The following TTN variants were observed in gnomAD, a reference collection of about 807,000 sequenced individuals.
TTN encodes titin, also known as connectin.
TTN carries 1,525 observed loss-of-function variants against 3,223.0 expected under a neutral mutation model. That is an observed-to-expected ratio of 0.47 (90% CI 0.45 to 0.49). The LOEUF (loss-of-function observed/expected upper bound fraction) is 0.49, where lower values mean the gene tolerates loss of function less well. Ranked by LOEUF, TTN falls within the 20% of genes least tolerant of loss-of-function variation. The pLI is 0.00. For synonymous variants in TTN, 14,094 were observed against 15,161.0 expected (o/e 0.93, Z 5.17); for missense variants, 40,786 against 43,424.0 (o/e 0.94, Z 5.40).
In TTN at chr2:178,784,292, A is replaced by G; in HGVS notation, c.2553T>C (p.Ser851=). The G allele has an allele frequency of 6.2e-7, 1 of 1,614,162 alleles. No individual in the cohort carries two copies. The change falls in exon 16 of 363, where the codon TCT becomes TCC. Residue 851 remains serine (S), a synonymous_variant. Transcript: ENST00000589042. ...TCACCGATTTGGTGATCTTCTGAGC[A>G]GAAGATGTGGCTGACAACTCTTTTT... is the stretch of plus-strand genomic sequence containing the variant. ...TLQKELSATS[S]AQKITKSVKA...
chr2:178,736,487 G>A (rs1342260633), intron 49 of TTN, among the ~76,000 whole-genome samples: 1 of 152,148 alleles, frequency 6.6e-6, no homozygotes, highest in East Asian at 1.9e-4. Flanking sequence ...TAAGAAGATT[G>A]AAGTAGTTTT....
intron 6 of TTN, among the ~76,000 whole-genome samples, chr2:178,796,593 C>T (rs764018939): frequency 6.6e-6 from 1 of 152,128 alleles, no homozygotes; most frequent in Non-Finnish European, 1.5e-5. Context: ...ACATGACTGC[C>T]TTTGAAATAT....
intron 273 of TTN, 146 bp from the exon 274 acceptor site, chr2:178,609,054 C>G (rs1225717307): frequency 2.5e-5 from 32 of 1,278,494 alleles, no homozygotes; most frequent in Non-Finnish European, 3.4e-5. Context: ...ATAACAAGAT[C>G]AGGTGATTTC....
At position 178,577,362 on chromosome 2, in the gene TTN, TGATG is replaced by T; in HGVS notation, c.68969_68972del (p.Pro22990GlnfsTer6). On this transcript the variant is annotated frameshift_variant, in exon 324 of 363. Transcript: ENST00000589042. LOFTEE classifies it high-confidence loss of function. ...GGGTTGAAGTTATCTGAGTGATATC[TGATG>T]GTCTAATGTCTTTTCCTGCCTTGGA... 6.2e-7 allele frequency: 1 copy of T among 1,613,032 alleles called. No homozygotes were observed. The highest frequency in any genetic ancestry group is 2.2e-5 in the East Asian group (1 of 44,748).
intron 6 of TTN, among the ~76,000 whole-genome samples, chr2:178,796,079 G>A (rs1463719530): frequency 1.3e-5 from 2 of 152,126 alleles, no homozygotes. Flanking sequence ...TGCTTTTTAG[G>A]TGTATCCAAA....
chr2:178,584,549 C>G lies in TTN; in HGVS notation c.65002G>C (p.Val21668Leu). ...GVPSEPKNARVTKVNKDCIFV... is the reference protein window; with the variant it reads ...GVPSEPKNARLTKVNKDCIFV... ...ATACAGTCCTTGTTGACTTTGGTGA[C>G]TCGTGCATTCTTTGGTTCACTAGGA... Residue 21668 changes from valine (V) to leucine (L), a missense_variant, in exon 311 of 363, where the codon GTC (valine) becomes CTC (leucine). Val to Leu is a conservative substitution (Grantham distance 32). Transcript: ENST00000589042. The G allele has an allele frequency of 6.2e-7, 1 of 1,612,482 alleles. No individual in the cohort carries two copies. The highest frequency in any genetic ancestry group is 2.2e-5 in the East Asian group (1 of 44,664).
chr2:178,642,164 A>C, intron 219 of TTN, 73 bp downstream of exon 219: 1 of 1,309,778 alleles, frequency 7.6e-7, no homozygotes, highest in Non-Finnish European at 1.0e-6. Flanking sequence ...AAAGGACAGA[A>C]ACATTTTGTA....
In TTN at chr2:178,568,669, A is replaced by G; in HGVS notation, c.77463T>C (p.Ile25821=). The G allele has an allele frequency of 6.2e-7, 1 of 1,613,386 alleles. No homozygotes were observed. The highest frequency in any genetic ancestry group is 8.5e-7 in the Non-Finnish European group (1 of 1,179,582). Residue 25821 remains isoleucine, a synonymous_variant, in exon 326 of 363, where the codon ATT becomes ATC. Transcript: ENST00000589042. The part of the protein sequence containing the change: ...VGQDLKIEVP[I]SGRPKPTITW... Reference sequence around the variant, plus strand: ...TAATGGTTGGCTTAGGACGTCCAGAAATTGGCACTTCTATTTTCAAATCTT... The same window carrying G: ...TAATGGTTGGCTTAGGACGTCCAGAGATTGGCACTTCTATTTTCAAATCTT...
chr2:178,616,138 G>C (rs142352268), intron 257 of TTN, among the ~76,000 whole-genome samples: 2 of 151,840 alleles, frequency 1.3e-5, no homozygotes, highest in African/African-American at 4.8e-5. Context: ...TATTCTAGTG[G>C]AATAAGAAGT....
chr2:178,731,760 G>A lies in TTN; in HGVS notation c.17115C>T (p.Gly5705=), dbSNP rs370036981. ...CATTGGTCACCCGACACTGGTATTC[G>A]CCAGCATCTGCAGCTACAAACTTGA... The part of the protein sequence containing the change: ...QILKFVAADA[G]EYQCRVTNEV... Residue 5705 remains glycine, a synonymous_variant, in exon 58 of 363, where the codon GGC becomes GGT. Coordinates refer to ENST00000589042, the MANE Select transcript of TTN (RefSeq NM_001267550.2). The A allele has an allele frequency of 1.2e-4, 193 of 1,613,678 alleles. No homozygotes were observed. In the African/African-American group the frequency reaches 2.2e-3, roughly 18 times the overall value.
At chr2:178,581,318 G>A (rs2047690540) in intron 316 of TTN, among the ~76,000 whole-genome samples, 181 bp downstream of exon 316, 2 of 151,944 alleles carry the variant, frequency 1.3e-5, no homozygotes, top group African/African-American at 4.8e-5. Context: ...CAAATCATGT[G>A]CATTTGATTT....
At position 178,542,641 on chromosome 2, in the gene TTN, A is replaced by G. The variant is rs374459298; in HGVS notation, c.97192+21T>C. 37 of 1,603,690 alleles carry G rather than the reference A, an allele frequency of 2.3e-5. No individual in the cohort carries two copies. In the East Asian group the frequency reaches 6.9e-4, roughly 30 times the overall value. On this transcript the variant is annotated intron_variant, in intron 348 of 362. Transcript: ENST00000589042. ...GGTGACTGAACATCAACTTGCTTGT[A>G]TCTTTGTCACACATCCTTACCAAGA...
chr2:178,546,808 G>C lies in TTN; in HGVS notation c.94620C>G (p.Gly31540=), dbSNP rs746325775. ...PAYDGGSKVV[G]YIIERKPVSE... ...TGACTGGCTTACGCTCTATGATGTA[G>C]CCCACAACCTTGCTGCCTCCATCAT... The change falls in exon 341 of 363, where the codon GGC becomes GGG. Residue 31540 remains glycine, a synonymous_variant. Coordinates refer to ENST00000589042, the MANE Select transcript of TTN (RefSeq NM_001267550.2). 1.9e-6 allele frequency: 3 copies of C among 1,612,804 alleles called. No individual in the cohort carries two copies. Among genetic ancestry groups the C allele is most frequent in the Non-Finnish European group, 2.5e-6 (3 of 1,179,016 alleles).
Position 178,729,826 on chromosome 2 carries a change from C to T in TTN, c.18427G>A (p.Gly6143Arg), listed in dbSNP as rs757453585. 7.4e-6 allele frequency: 12 copies of T among 1,613,520 alleles called. No homozygotes were observed. Among genetic ancestry groups the T allele is most frequent in the South Asian group, 4.4e-5 (4 of 91,080 alleles). Residue 6143 changes from glycine (G) to arginine (R), a missense_variant, in exon 63 of 363, where the codon GGG (glycine) becomes AGG (arginine). Transcript: ENST00000589042. ...PKIRVSWYLD[G>R]NEITAIQKHG... ...TTCTGAATGGCTGTTATTTCATTCC[C>T]GTCTAGATACCAAGACACTCGGATT...
rs1307496843 is a variant in TTN at position 178,568,087 on chromosome 2, G to C, written c.78045C>G (p.Val26015=). Residue 26015 remains valine, a synonymous_variant, in exon 326 of 363, where the codon GTC becomes GTG. Coordinates refer to ENST00000589042, the MANE Select transcript of TTN (RefSeq NM_001267550.2). ...DSMVIQWHEP[V]NNGGSPVIGY... ...CTATGACGGGGCTTCCACCATTGTTGACTGGTTCATGCCACTGTATGACCA... is the reference window on the plus strand; with the variant it reads ...CTATGACGGGGCTTCCACCATTGTTCACTGGTTCATGCCACTGTATGACCA... 6.2e-7 allele frequency: 1 copy of C among 1,613,358 alleles called. No homozygotes were observed. Among genetic ancestry groups the C allele is most frequent in the Admixed American group, 1.7e-5 (1 of 59,962 alleles).
chr2:178,795,673 G>T (rs2093730949), intron 6 of TTN, among the ~76,000 whole-genome samples: 1 of 152,048 alleles, frequency 6.6e-6, no homozygotes, highest in African/African-American at 2.4e-5. Flanking sequence ...AAGAAGAAAG[G>T]TTTCTGTAAT....
chr2:178,666,231 A>G (rs1235441779), intron 163 of TTN, among the ~76,000 whole-genome samples: 3 of 152,272 alleles, frequency 2.0e-5, no homozygotes, highest in African/African-American at 7.2e-5. Context: ...AAAAATATCA[A>G]AATATTCAGA....
In TTN at chr2:178,750,594, G is replaced by T. The variant is rs147087155; in HGVS notation, c.11311+2530C>A. On this transcript the variant is annotated intron_variant, in intron 47 of 362. Coordinates refer to ENST00000589042, the MANE Select transcript of TTN (RefSeq NM_001267550.2). ...GGTGGGCAACGTTGTGGGCGTTTTCGAAAAGAATTTTCAAAAAATCTCATG... is the reference window on the plus strand; with the variant it reads ...GGTGGGCAACGTTGTGGGCGTTTTCTAAAAGAATTTTCAAAAAATCTCATG... 288 of 1,612,286 alleles carry T rather than the reference G, an allele frequency of 1.8e-4. 3 individuals are homozygous for T. The highest frequency in any genetic ancestry group is 6.3e-4 in the South Asian group (57 of 91,004).
Position 178,533,780 on chromosome 2 carries a change from C to G in TTN, c.102835G>C (p.Val34279Leu), listed in dbSNP as rs779989647. Residue 34279 changes from valine to leucine, a missense_variant, in exon 358 of 363, where the codon GTA becomes CTA. Val to Leu is a conservative substitution (Grantham distance 32, BLOSUM62 1). Transcript: ENST00000589042. ...AYVGENVRFG[V>L]TITVHPEPHV... Reference sequence around the variant, plus strand: ...GGCTCTGGGTGGACAGTTATAGTTACTCCAAACCGGACATTTTCACCTACA... The same window carrying G: ...GGCTCTGGGTGGACAGTTATAGTTAGTCCAAACCGGACATTTTCACCTACA... 1 of 1,613,856 alleles carries G rather than the reference C, an allele frequency of 6.2e-7. No individual in the cohort carries two copies. The highest frequency in any genetic ancestry group is 1.1e-5 in the South Asian group (1 of 91,096).
Sources: allele counts gnomAD v4.1 joint callset (sites outside exome capture counted in the v4.1 genomes callset), GRCh38; gene constraint gnomAD v4.1.1; transcripts MANE v1.5; gene names NCBI Gene and HGNC (gene_info 2026-07-23, HGNC 2026-07-21).